The following WASHC2C variants were observed in gnomAD, a reference collection of about 807,000 sequenced individuals.
WASHC2C encodes the protein WASH complex subunit 2C.
Under a neutral mutation model 142.2 loss-of-function variants are expected in WASHC2C, and 73 were observed. That is an observed-to-expected ratio of 0.51 (90% CI 0.43 to 0.62). The LOEUF (loss-of-function observed/expected upper bound fraction) is 0.62. Ranked by LOEUF, WASHC2C falls within the 20% of genes least tolerant of loss-of-function variation. The pLI is 0.00. For missense variants in WASHC2C, 969 were observed against 1,531.7 expected, an observed-to-expected ratio of 0.63 and a Z score of 6.13; for synonymous variants, 337 against 565.5, an observed-to-expected ratio of 0.60 and a Z score of 5.73.
intron 29 of WASHC2C, 56 bp downstream of exon 29, chr10:45,789,547 T>G (rs1292638403): frequency 1.1e-4 from 172 of 1,599,556 alleles, no homozygotes; most frequent in Admixed American, 5.3e-4. Context: ...GGTATCTGAT[T>G]GGCTTATTTG....
chr10:45,749,508 CTTG>C (rs1274434217), intron 8 of WASHC2C, among the ~76,000 whole-genome samples: 1 of 150,762 alleles, frequency 6.6e-6, no homozygotes, highest in Non-Finnish European at 1.5e-5. Flanking sequence ...TTTTTATATT[CTTG>C]TTGTTACATT....
chr10:45,773,423 C>T (rs2056780911), intron 21 of WASHC2C, 65 bp downstream of exon 21: 1 of 606,232 alleles, frequency 1.6e-6, no homozygotes, highest in African/African-American at 1.9e-5. Flanking sequence ...AGTGGTACTT[C>T]CCCGAATCAG....
At chr10:45,771,364 CA>C (rs58095251) in intron 20 of WASHC2C, among the ~76,000 whole-genome samples, 5,448 of 40,176 alleles carry the variant, frequency 0.14, 58 homozygotes, top group African/African-American at 0.19. Context: ...GACTCCATCT[CA>C]AAAAAAAAAA....
At chr10:45,744,701 TGG>T (rs2134389866) in intron 6 of WASHC2C, 118 bp from the exon 7 acceptor site, 1 of 528,212 alleles carries the variant, frequency 1.9e-6, no homozygotes, top group South Asian at 2.1e-5. Context: ...TTCCAGTAAG[TGG>T]GTATAGATGG....
In WASHC2C at chr10:45,736,704, G is replaced by C. The variant is rs1213197366; in HGVS notation, c.292-1279G>C. Among the ~76,000 whole-genome samples the C allele has an allele frequency of 2.6e-5, 4 of 152,148 alleles. No individual in the cohort carries two copies. The East Asian group carries it at 7.7e-4, about 29-fold the overall frequency. On this transcript the variant is annotated intron_variant, in intron 3 of 30. Coordinates refer to ENST00000623400, the MANE Select transcript of WASHC2C (RefSeq NM_001330074.2). ...CCTCAGGAAATGAGCATACACACCA[G>C]GCTTAAATTGGGTATTCCAAGGATC...
At position 45,754,931 on chromosome 10, in the gene WASHC2C, C is replaced by A. The variant is rs1183821494; in HGVS notation, c.1241-5C>A. On this transcript the variant is annotated splice_region_variant and splice_polypyrimidine_tract_variant and intron_variant, in intron 14 of 30. Transcript: ENST00000623400. ...GCTGTGGCTGTCTTGTCCCTTCACT[C>A]ACAGGAGACACGGATGTGTTTGGTG... 3.7e-6 allele frequency: 6 copies of A among 1,611,890 alleles called. No individual in the cohort carries two copies. The highest frequency in any genetic ancestry group is 1.3e-5 in the African/African-American group (1 of 74,834).
chr10:45,772,895 T>C (rs1443958563), intron 20 of WASHC2C, among the ~76,000 whole-genome samples: 10 of 152,152 alleles, frequency 6.6e-5, no homozygotes, highest in African/African-American at 2.4e-4. Flanking sequence ...ATTCTGGAAA[T>C]AGGCACGTCC....
chr10:45,741,854 C>T (rs1333732120), intron 5 of WASHC2C, among the ~76,000 whole-genome samples: 1 of 148,992 alleles, frequency 6.7e-6, no homozygotes, highest in East Asian at 2.0e-4. Context: ...GCTGGAGTGG[C>T]GCAATCTCGG....
chr10:45,766,287 A>C (rs1460135557), intron 19 of WASHC2C, among the ~76,000 whole-genome samples: 2 of 152,296 alleles, frequency 1.3e-5, no homozygotes, highest in Non-Finnish European at 2.9e-5. Flanking sequence ...ATTAGATGAA[A>C]GGGGTGTGAC....
At chr10:45,727,214 G>T (rs2049943591), upstream of WASHC2C, 1 of 1,498,764 alleles carries the variant, frequency 6.7e-7, no homozygotes, top group Non-Finnish European at 8.9e-7. Context: ...GGTCACGTGA[G>T]GCCGGTCACG....
chr10:45,758,239 C>G (rs1205629615), intron 16 of WASHC2C, among the ~76,000 whole-genome samples: 1 of 152,228 alleles, frequency 6.6e-6, no homozygotes, highest in Non-Finnish European at 1.5e-5. Flanking sequence ...CACTGTCTGC[C>G]TCATTCAGAC....
chr10:45,785,704 C>T, intron 26 of WASHC2C, 73 bp downstream of exon 26: 9 of 1,609,954 alleles, frequency 5.6e-6, no homozygotes, highest in Non-Finnish European at 7.6e-6. Context: ...TATGCAGACC[C>T]ACAGTTATTT....
Position 45,789,088 on chromosome 10 carries a change from C to G in WASHC2C, c.3305C>G (p.Pro1102Arg). 1 of 1,612,042 alleles carries G rather than the reference C, an allele frequency of 6.2e-7. No individual in the cohort carries two copies. The change falls in exon 29 of 31, where the codon CCT becomes CGT. Residue 1102 changes from proline to arginine, a missense_variant. Coordinates refer to ENST00000623400, the MANE Select transcript of WASHC2C (RefSeq NM_001330074.2). The stretch of plus-strand genomic sequence containing the variant: ...GAGGCCCTGGCAGCTGCCGCTGCAC[C>G]TTGGGAAGGTGGTCCTGTGCCTGGA... ...TEEALAAAAAPWEGGPVPGVD... is the reference protein window; with the variant it reads ...TEEALAAAAARWEGGPVPGVD...
intron 8 of WASHC2C, among the ~76,000 whole-genome samples, chr10:45,749,023 C>T (rs1300860107): frequency 3.9e-5 from 6 of 152,210 alleles, no homozygotes; most frequent in African/African-American, 7.2e-5. Context: ...TTTGCTTGAC[C>T]TACCTTGGAT....
chr10:45,781,264 C>T (rs1479154280), intron 23 of WASHC2C, among the ~76,000 whole-genome samples: 1 of 152,170 alleles, frequency 6.6e-6, no homozygotes, highest in African/African-American at 2.4e-5. Context: ...GACCAGAAAC[C>T]TTAATATTGG....
At chr10:45,728,735 A>G in intron 2 of WASHC2C, 127 bp from the exon 3 acceptor site, 1 of 1,389,324 alleles carries the variant, frequency 7.2e-7, no homozygotes, top group African/African-American at 1.5e-5. Flanking sequence ...TCTCTCAAAA[A>G]AAAAAAAAAG....
intron 4 of WASHC2C, 140 bp downstream of exon 4, chr10:45,738,185 A>C: frequency 6.5e-7 from 1 of 1,548,756 alleles, no homozygotes; most frequent in South Asian, 1.1e-5. Context: ...CCAAGAGGGG[A>C]TTCTTTCCTT....
intron 14 of WASHC2C, among the ~76,000 whole-genome samples, 183 bp from the exon 15 acceptor site, chr10:45,754,753 G>T (rs1488643861): frequency 3.3e-5 from 5 of 152,154 alleles, no homozygotes; most frequent in African/African-American, 4.8e-5. Flanking sequence ...GTGTTTGAGC[G>T]ACCTGGTGAT....
At chr10:45,772,692 G>A (rs1554885095) in intron 20 of WASHC2C, among the ~76,000 whole-genome samples, 2 of 152,142 alleles carry the variant, frequency 1.3e-5, no homozygotes, top group African/African-American at 2.4e-5. Context: ...CTCCAGCCTG[G>A]GCAGTAGAGT....
Sources: allele counts gnomAD v4.1 joint callset (sites outside exome capture counted in the v4.1 genomes callset), GRCh38; gene constraint gnomAD v4.1.1; transcripts MANE v1.5; gene names NCBI Gene and HGNC (gene_info 2026-07-23, HGNC 2026-07-21).